The following ACOT12 variants were observed in gnomAD, a reference collection of about 807,000 sequenced individuals.
ACOT12 encodes acetyl-coenzyme A thioesterase.
Under a neutral mutation model 67.7 loss-of-function variants are expected in ACOT12, and 51 were observed. The ratio of observed to expected loss-of-function variants is 0.75; its 90% CI spans 0.60 to 0.95. ACOT12 has a LOEUF of 0.95. Among genes scored for constraint, ACOT12 ranks in the 40% least tolerant of loss-of-function variants. The probability of loss-of-function intolerance (pLI) is 0.00; values close to 1 mark genes in which losing one functional copy is unlikely to be tolerated. For missense variants in ACOT12, 734 were observed against 708.1 expected (o/e 1.04, Z -0.41); for synonymous variants, 251 against 244.6 (o/e 1.03, Z -0.24).
Position 81,356,121 on chromosome 5 carries a change from T to C in ACOT12, c.496+3782A>G, listed in dbSNP as rs534417684. 2.0e-5 allele frequency among the ~76,000 whole-genome samples: 3 copies of C among 152,268 alleles called. No homozygotes were observed. In the South Asian group the frequency reaches 6.2e-4, roughly 32 times the overall value. ...ATAGGAGTGTTTACTTTGGCCTGTG[T>C]ATATGACATAAAGGTTATGGTAAAC... On this transcript the variant is annotated intron_variant, in intron 5 of 14. Coordinates refer to ENST00000307624, the MANE Select transcript of ACOT12 (RefSeq NM_130767.3).
chr5:81,389,678 C>A (rs1760814457), intron 1 of ACOT12, among the ~76,000 whole-genome samples: 1 of 151,724 alleles, frequency 6.6e-6, no homozygotes, highest in Non-Finnish European at 1.5e-5. Flanking sequence ...AGGCGTGCGC[C>A]ACCATGCCCA....
intron 3 of ACOT12, among the ~76,000 whole-genome samples, chr5:81,367,633 A>T (rs1166523475): frequency 6.6e-6 from 1 of 152,220 alleles, no homozygotes; most frequent in Admixed American, 6.5e-5. Context: ...GCTCTAAAAA[A>T]TGCAGGAAAA....
intron 4 of ACOT12, among the ~76,000 whole-genome samples, chr5:81,362,538 G>A (rs932485724): frequency 8.5e-5 from 13 of 152,088 alleles, no homozygotes; most frequent in Non-Finnish European, 4.4e-5. Flanking sequence ...GGAATATGAC[G>A]GTCTTCCTCT....
chr5:81,381,714 T>A (rs1184141261), intron 2 of ACOT12, among the ~76,000 whole-genome samples: 1 of 151,932 alleles, frequency 6.6e-6, no homozygotes, highest in Non-Finnish European at 1.5e-5. Context: ...TTCCCCAGGG[T>A]GAAATGGGTC....
At chr5:81,329,955 C>T (rs1318466284), downstream of ACOT12, 2 of 153,532 alleles carry the variant, frequency 1.3e-5, no homozygotes, top group Admixed American at 1.3e-4. Context: ...TAGACACCTG[C>T]TGCACGAGGA....
intron 2 of ACOT12, among the ~76,000 whole-genome samples, chr5:81,382,324 G>T (rs1468404413): frequency 6.6e-6 from 1 of 152,162 alleles, no homozygotes; most frequent in East Asian, 1.9e-4. Context: ...ACTCCTTGGA[G>T]AAATAATGGA....
At chr5:81,314,355 G>A in the ACOT12 span, among the ~76,000 whole-genome samples, 2 of 152,004 alleles carry the variant, frequency 1.3e-5, no homozygotes, top group East Asian at 1.9e-4. Context: ...TGCTCGCCTC[G>A]GCCTCCCAAA....
chr5:81,365,295 A>G (rs1760045969), intron 3 of ACOT12, among the ~76,000 whole-genome samples: 1 of 152,222 alleles, frequency 6.6e-6, no homozygotes, highest in Non-Finnish European at 1.5e-5. Flanking sequence ...AGAATAATCA[A>G]TAATCTATGA....
At chr5:81,371,361 G>A (rs59397259) in intron 3 of ACOT12, among the ~76,000 whole-genome samples, 3,755 of 151,970 alleles carry the variant, frequency 0.025, 173 homozygotes, top group African/African-American at 0.086. Context: ...CAAGCAATCC[G>A]CCCACCTCCG....
chr5:81,386,610 T>A (rs1760730877), intron 1 of ACOT12, among the ~76,000 whole-genome samples: 1 of 152,176 alleles, frequency 6.6e-6, no homozygotes, highest in Non-Finnish European at 1.5e-5. Flanking sequence ...GAAACACAAT[T>A]GAAAGCCAAA....
At chr5:81,332,922 A>T (rs1758875877) in intron 12 of ACOT12, among the ~76,000 whole-genome samples, 1 of 152,080 alleles carries the variant, frequency 6.6e-6, no homozygotes, top group South Asian at 2.1e-4. Flanking sequence ...TTAAAAAATT[A>T]TTTGAGTGTG....
chr5:81,335,741 G>A, intron 12 of ACOT12, 27 bp downstream of exon 12: 1 of 1,603,088 alleles, frequency 6.2e-7, no homozygotes, highest in Non-Finnish European at 8.5e-7. Flanking sequence ...AAGGTTGATT[G>A]AGAAAAATTT....
intron 12 of ACOT12, among the ~76,000 whole-genome samples, chr5:81,333,259 CT>C (rs1394497585): frequency 6.6e-6 from 1 of 152,096 alleles, no homozygotes; most frequent in Admixed American, 6.5e-5. Context: ...ATTGTGAGGA[CT>C]GGTAAATCAT....
chr5:81,336,269 G>A (rs1050712706), intron 11 of ACOT12, among the ~76,000 whole-genome samples: 2 of 152,120 alleles, frequency 1.3e-5, no homozygotes, highest in African/African-American at 2.4e-5. Context: ...TGCTAGGCAG[G>A]TCAGCACCTC....
At chr5:81,315,148 G>C in the ACOT12 span, among the ~76,000 whole-genome samples, 2 of 152,128 alleles carry the variant, frequency 1.3e-5, no homozygotes, top group Non-Finnish European at 2.9e-5. Flanking sequence ...TGTTCCTACT[G>C]GGATGCTCCA....
At chr5:81,370,328 C>A (rs1214981085) in intron 3 of ACOT12, among the ~76,000 whole-genome samples, 1 of 152,130 alleles carries the variant, frequency 6.6e-6, no homozygotes, top group Non-Finnish European at 1.5e-5. Context: ...GTAAAGCCAC[C>A]ACCAATGGCA....
chr5:81,373,800 G>A (rs1189059639), intron 2 of ACOT12, among the ~76,000 whole-genome samples: 1 of 152,172 alleles, frequency 6.6e-6, no homozygotes, highest in Non-Finnish European at 1.5e-5. Flanking sequence ...AGGCTGCTCT[G>A]GCCAGACTGC....
In ACOT12 at chr5:81,330,804, T is replaced by C; in HGVS notation, c.1518+10A>G. ...AGCCAATTAATCTGCAGATGTTTCATCAAACTTACGATGCATGAATTGCTG... is the reference window on the plus strand; with the variant it reads ...AGCCAATTAATCTGCAGATGTTTCACCAAACTTACGATGCATGAATTGCTG... On this transcript the variant is annotated intron_variant, in intron 14 of 14. Transcript: ENST00000307624. 1 of 1,610,350 alleles carries C rather than the reference T, an allele frequency of 6.2e-7. No individual in the cohort carries two copies. Among genetic ancestry groups the C allele is most frequent in the South Asian group, 1.1e-5 (1 of 90,434 alleles).
intron 2 of ACOT12, among the ~76,000 whole-genome samples, chr5:81,374,490 T>G (rs2153856708): frequency 6.6e-6 from 1 of 151,738 alleles, no homozygotes; most frequent in South Asian, 2.1e-4. Flanking sequence ...GGAGAATGAG[T>G]TTGATGAATT....
Sources: gnomAD v4.1 joint callset for allele counts (sites outside exome capture counted in the v4.1 genomes callset) on GRCh38, gnomAD v4.1.1 for gene constraint, MANE v1.5 for transcripts, NCBI Gene and HGNC (gene_info 2026-07-23, HGNC 2026-07-21) for gene names.